Variants in EPN3 observed in about 807,000 individuals in gnomAD.
The protein encoded by EPN3 is epsin 3.
A neutral mutation model predicts 55.5 loss-of-function variants in EPN3; 56 were observed. That is an observed-to-expected ratio of 1.01 (90% CI 0.81 to 1.26). The LOEUF is 1.26. EPN3 is among the 50% of genes most tolerant of loss of function. EPN3 has a pLI of 0.00. For missense variants in EPN3, 927 were observed against 853.4 expected, an observed-to-expected ratio of 1.09 and a Z score of -1.07; for synonymous variants, 449 against 375.2, an observed-to-expected ratio of 1.20 and a Z score of -2.27.
intron 2 of EPN3, chr17:50,537,364 T>C (rs2034780443): frequency 1.8e-6 from 1 of 554,492 alleles, no homozygotes; most frequent in African/African-American, 1.9e-5. Flanking sequence ...GGCGCGATAG[T>C]GGAAGCATGG....
rs565401801 is a variant in EPN3, at chr17:50,534,594, C to T, written c.-137+1609C>T. On this transcript the variant is annotated intron_variant, in intron 1 of 9. Coordinates refer to ENST00000268933, the MANE Select transcript of EPN3 (RefSeq NM_017957.3). ...GGGCAGGAGTTAAACAAGTTGTGGC[C>T]GTGGCATTCCCACAGAAGGCCCACG... 2.4e-4 allele frequency: 240 copies of T among 985,460 alleles called. 1 individual carries two copies. The African/African-American group carries it at 2.9e-3, about 12-fold the overall frequency. 61.0% of individuals were successfully genotyped at this position (985,460 alleles called of 1,614,324 possible).
In EPN3 at chr17:50,538,085, C is replaced by T. The variant is rs1000897065; in HGVS notation, c.569C>T (p.Ser190Phe). 1.2e-6 allele frequency: 2 copies of T among 1,613,798 alleles called. No homozygotes were observed. The highest frequency in any genetic ancestry group is 2.2e-5 in the South Asian group (2 of 91,036). Residue 190 changes from serine (S) to phenylalanine (F), a missense_variant, in exon 3 of 10, where the codon TCT becomes TTT. By Grantham distance (155) the Ser-to-Phe change is radical (BLOSUM62 -2). Coordinates refer to ENST00000268933, the MANE Select transcript of EPN3 (RefSeq NM_017957.3). ...GACATGATGGTCATTGCAGCCTCCT[C>T]TTCGTCACCCCGCTATACCTCCGAC... is the stretch of plus-strand genomic sequence containing the variant. ...RGSPSSYNSS[S>F]SSPRYTSDLE...
intron 1 of EPN3, chr17:50,534,797 T>A: frequency 2.7e-6 from 1 of 371,994 alleles, no homozygotes; most frequent in Non-Finnish European, 3.7e-6. Context: ...GGGGCTGGGG[T>A]GGAAGGAGCG....
intron 3 of EPN3, 44 bp from the exon 4 acceptor site, chr17:50,538,840 A>T: frequency 6.8e-7 from 1 of 1,466,536 alleles, no homozygotes; most frequent in Non-Finnish European, 9.2e-7. Flanking sequence ...TCTGGTCCCA[A>T]GGTGGGGGTA....
At chr17:50,537,301 A>C in intron 2 of EPN3, 183 bp downstream of exon 2, 2 of 634,198 alleles carry the variant, frequency 3.2e-6, no homozygotes, top group Non-Finnish European at 5.4e-6. Flanking sequence ...AAGTTAGCTC[A>C]GATAATAACG....
At position 50,532,859 on chromosome 17, in the gene EPN3, C is replaced by T. The variant is rs767405764; in HGVS notation, c.-263C>T. ...CCTGGGAGCAGGTGGGTCTCTGGGA[C>T]GAGGGTCCATGGTGGATGGCTCTGG... On this transcript the variant is annotated 5_prime_UTR_variant, in exon 1 of 10. The change creates a new upstream start codon in the 5' untranslated region. Transcript: ENST00000268933. The T allele has an allele frequency of 6.2e-6, 8 of 1,282,630 alleles. No individual in the cohort carries two copies. The highest frequency in any genetic ancestry group is 1.5e-5 in the African/African-American group (1 of 65,412). 79.5% of individuals were successfully genotyped at this position (1,282,630 alleles called of 1,614,324 possible). A position where few individuals can be genotyped will look rare whatever the true frequency, so the allele number is the denominator to read the frequency against.
chr17:50,541,134 C>T, intron 7 of EPN3, 72 bp downstream of exon 7: 2 of 1,591,516 alleles, frequency 1.3e-6, no homozygotes, highest in Non-Finnish European at 1.7e-6. Flanking sequence ...GCAGCAGATA[C>T]TGTTTGTGTT....
Position 50,540,851 on chromosome 17 carries a change from G to A in EPN3, c.1038G>A (p.Trp346Ter). The A allele has an allele frequency of 6.2e-7, 1 of 1,614,106 alleles. No homozygotes were observed. The highest frequency in any genetic ancestry group is 8.5e-7 in the Non-Finnish European group (1 of 1,179,996). The change falls in exon 7 of 10, where the codon TGG (tryptophan) becomes TGA (stop). Residue 346 changes from tryptophan to a stop codon, truncating the protein, a stop_gained. Coordinates refer to ENST00000268933, the MANE Select transcript of EPN3 (RefSeq NM_017957.3). LOFTEE classifies it high-confidence loss of function. Reference protein sequence around the residue: ...GSSWGPSADPWSPIPSGTVLS... With the variant: ...GSSWGPSADP ...CCTGGGGGCCTTCTGCAGACCCCTG[G>A]TCTCCGATCCCCTCAGGAACCGTCC...
At chr17:50,540,555 C>T (rs1339030548) in intron 6 of EPN3, among the ~76,000 whole-genome samples, 1 of 152,166 alleles carries the variant, frequency 6.6e-6, no homozygotes, top group Non-Finnish European at 1.5e-5. Context: ...AATGTTCTCT[C>T]GCTGCACTCA....
At chr17:50,541,399 C>G in intron 8 of EPN3, 65 bp from the exon 9 acceptor site, 1 of 1,607,098 alleles carries the variant, frequency 6.2e-7, no homozygotes, top group South Asian at 1.1e-5. Flanking sequence ...AGCCTCTGTC[C>G]TCTTCCTCCC....
chr17:50,538,788 A>T, intron 3 of EPN3, 96 bp from the exon 4 acceptor site: 2 of 880,956 alleles, frequency 2.3e-6, no homozygotes, highest in Non-Finnish European at 3.4e-6. Flanking sequence ...GGTGGGCATT[A>T]GTGTCTCCAT....
At position 50,541,664 on chromosome 17, in the gene EPN3, G is replaced by T; in HGVS notation, c.1555G>T (p.Val519Phe). The change falls in exon 9 of 10, where the codon GTT becomes TTT. Residue 519 changes from valine to phenylalanine, a missense_variant. Val to Phe is a conservative substitution (Grantham distance 50). Coordinates refer to ENST00000268933, the MANE Select transcript of EPN3 (RefSeq NM_017957.3). ...NLDSLVKAPQ[V>F]AKTRNPFLTG... Reference sequence around the variant, plus strand: ...TGACTCGTTGGTCAAGGCACCCCAGGTTGCAAAGACCCGGAACCCCTTCCT... The same window carrying T: ...TGACTCGTTGGTCAAGGCACCCCAGTTTGCAAAGACCCGGAACCCCTTCCT... The T allele has an allele frequency of 6.2e-7, 1 of 1,614,106 alleles. No individual in the cohort carries two copies. Among genetic ancestry groups the T allele is most frequent in the Non-Finnish European group, 8.5e-7 (1 of 1,180,006 alleles).
At chr17:50,539,149 G>A (rs934566187) in intron 4 of EPN3, 38 bp from the exon 5 acceptor site, 1 of 1,611,656 alleles carries the variant, frequency 6.2e-7, no homozygotes, top group Admixed American at 1.7e-5. Context: ...TCCCGCCTGA[G>A]CTGCTCATGC....
chr17:50,535,548 T>A (rs1278516831), intron 1 of EPN3, among the ~76,000 whole-genome samples: 3 of 152,092 alleles, frequency 2.0e-5, no homozygotes, highest in Non-Finnish European at 2.9e-5. Context: ...CCTGACTTGC[T>A]GGTTCACTCC....
intron 2 of EPN3, 135 bp from the exon 3 acceptor site, chr17:50,537,944 G>A (rs2034788554): frequency 1.1e-5 from 8 of 705,208 alleles, no homozygotes; most frequent in East Asian, 2.7e-5. Flanking sequence ...CTGGCACACT[G>A]CTTGGCCCAC....
chr17:50,540,471 G>A (rs867440038), intron 6 of EPN3, 137 bp downstream of exon 6: 3 of 780,302 alleles, frequency 3.8e-6, no homozygotes, highest in Non-Finnish European at 6.1e-6. Flanking sequence ...AGCCTCCGCC[G>A]CCTGTGGGAC....
rs529733520 is a variant in EPN3, at chr17:50,540,549, T to G, written c.979+215T>G. On this transcript the variant is annotated intron_variant, in intron 6 of 9. Transcript: ENST00000268933. ...AGCTCCTAGGAAACGCAGCAAAATG[T>G]TCTCTCGCTGCACTCACTTGCTCAG... 9.9e-3 allele frequency among the ~76,000 whole-genome samples: 1,507 copies of G among 152,340 alleles called. 62 individuals are homozygous for G. Among genetic ancestry groups the G allele is most frequent in the Admixed American group, 0.07 (1,074 of 15,304 alleles).
chr17:50,535,766 G>A (rs1340899501), intron 1 of EPN3, among the ~76,000 whole-genome samples: 6 of 152,280 alleles, frequency 3.9e-5, no homozygotes, highest in Non-Finnish European at 7.3e-5. Flanking sequence ...AAAGGCCTCC[G>A]GGAAATAGGT....
chr17:50,538,906 G>A lies in EPN3; in HGVS notation c.704G>A (p.Arg235Lys), dbSNP rs745953206. The A allele has an allele frequency of 1.2e-6, 2 of 1,608,004 alleles. No homozygotes were observed. The highest frequency in any genetic ancestry group is 1.7e-4 in the Middle Eastern group (1 of 5,852). The change falls in exon 4 of 10, where the codon AGG becomes AAG. Residue 235 changes from arginine to lysine, a missense_variant. Physicochemically the swap from Arg to Lys is conservative, Grantham distance 26. Transcript: ENST00000268933. ...AEKPVPPASH[R>K]DEDLQLQLAL... ...CAGCCTGTCCCCCCAGCCTCCCACA[G>A]GGACGAGGACCTGCAGCTGCAGCTG...
Sources: gnomAD v4.1 joint callset for allele counts (sites outside exome capture counted in the v4.1 genomes callset) on GRCh38, gnomAD v4.1.1 for gene constraint, MANE v1.5 for transcripts, NCBI Gene and HGNC (gene_info 2026-07-23, HGNC 2026-07-21) for gene names.